SORBS2: variants seen among roughly 807,000 people sequenced by gnomAD.
The protein encoded by SORBS2 is sorbin and SH3 domain-containing protein 2.
Under a neutral mutation model 97.7 loss-of-function variants are expected in SORBS2, and 46 were observed. The ratio of observed to expected loss-of-function variants is 0.47; its 90% CI spans 0.37 to 0.60. The LOEUF (loss-of-function observed/expected upper bound fraction) is 0.60, where lower values mean the gene tolerates loss of function less well. Ranked by LOEUF, SORBS2 falls within the 20% of genes least tolerant of loss-of-function variation. The pLI, the probability that SORBS2 is intolerant of heterozygous loss-of-function variation, is 0.00. For missense variants in SORBS2, 1,316 were observed against 1,282.3 expected, an observed-to-expected ratio of 1.03 and a Z score of -0.40; for synonymous variants, 476 against 473.4, an observed-to-expected ratio of 1.01 and a Z score of -0.07.
intron 13 of SORBS2, among the ~76,000 whole-genome samples, chr4:185,591,590 T>C (rs1441831242): frequency 6.6e-6 from 1 of 152,214 alleles, no homozygotes; most frequent in African/African-American, 2.4e-5. Flanking sequence ...GTGGGGAAAG[T>C]TCACGGTCCC....
At chr4:185,767,499 C>CAAAAAAAAAAAAAAAAAAAAAAA (rs70962594) in intron 2 of SORBS2, among the ~76,000 whole-genome samples, 1 of 60,702 alleles carries the variant, frequency 1.6e-5, no homozygotes. Context: ...GACTCTGTCT[C>CAAAAAAAAAAAAAAAAAAAAAAA]AAAAAAAAAA....
chr4:185,846,303 C>CTAAG (rs1440412800), intron 1 of SORBS2, among the ~76,000 whole-genome samples: 1 of 152,192 alleles, frequency 6.6e-6, no homozygotes, highest in Non-Finnish European at 1.5e-5. Flanking sequence ...ACCCAAAAGA[C>CTAAG]TAAGTATTGC....
intron 2 of SORBS2, chr4:185,690,564 G>C: frequency 2.6e-6 from 4 of 1,525,652 alleles, no homozygotes; most frequent in Non-Finnish European, 3.5e-6. Context: ...CAGCATACCT[G>C]TGTTCATTTT....
intron 2 of SORBS2, among the ~76,000 whole-genome samples, chr4:185,765,386 G>T (rs1318828761): frequency 1.4e-5 from 2 of 146,654 alleles, no homozygotes; most frequent in Non-Finnish European, 3.0e-5. Context: ...GTGGTTTTAA[G>T]TATTTTAGAA....
chr4:185,947,957 T>A (rs1032172376), intron 1 of SORBS2, among the ~76,000 whole-genome samples: 6 of 152,214 alleles, frequency 3.9e-5, no homozygotes, highest in African/African-American at 1.4e-4. Flanking sequence ...ATTCATGTAA[T>A]GTGCTTAGCA....
chr4:185,901,688 A>G (rs1429970266), intron 1 of SORBS2, among the ~76,000 whole-genome samples: 1 of 152,228 alleles, frequency 6.6e-6, no homozygotes, highest in Non-Finnish European at 1.5e-5. Context: ...AGATAAATTT[A>G]TATTTGCTAA....
chr4:185,709,721 A>G (rs1256783099), intron 2 of SORBS2, among the ~76,000 whole-genome samples: 3 of 151,740 alleles, frequency 2.0e-5, no homozygotes, highest in African/African-American at 4.9e-5. Flanking sequence ...AGATCCTCCC[A>G]TCTCCTCACC....
chr4:185,589,984 T>A (rs1388009868), intron 13 of SORBS2, 199 bp from the exon 26 acceptor site: 1 of 462,756 alleles, frequency 2.2e-6, no homozygotes, highest in Non-Finnish European at 3.9e-6. Context: ...AATATGTAGA[T>A]CTTCACAGGC....
At chr4:185,812,801 T>A (rs1246992792) in intron 1 of SORBS2, 1 of 152,224 alleles carries the variant, frequency 6.6e-6, no homozygotes, top group Non-Finnish European at 1.5e-5. Flanking sequence ...TTTAAGATGC[T>A]TTTTATGCAA....
intron 2 of SORBS2, among the ~76,000 whole-genome samples, chr4:185,695,721 G>C (rs1009830390): frequency 2.0e-5 from 3 of 152,132 alleles, no homozygotes; most frequent in Non-Finnish European, 4.4e-5. Flanking sequence ...TAAATGCCAA[G>C]TGATTTCACT....
At chr4:185,670,030 A>T (rs1478412400) in intron 4 of SORBS2, among the ~76,000 whole-genome samples, 1 of 151,916 alleles carries the variant, frequency 6.6e-6, no homozygotes, top group African/African-American at 2.4e-5. Flanking sequence ...ACCAGCCTGG[A>T]CAACATGGTG....
chr4:185,677,429 G>T, intron 4 of SORBS2: 4 of 1,552,164 alleles, frequency 2.6e-6, no homozygotes, highest in Non-Finnish European at 3.5e-6. Flanking sequence ...TATATGACAT[G>T]GTTGTGTTAG....
chr4:185,651,079 A>G (rs1355362819), intron 2 of SORBS2, among the ~76,000 whole-genome samples: 1 of 152,142 alleles, frequency 6.6e-6, no homozygotes, highest in South Asian at 2.1e-4. Context: ...AAGAAGAAAA[A>G]AAATAGTTGT....
intron 1 of SORBS2, among the ~76,000 whole-genome samples, chr4:185,921,305 C>T (rs1050222188): frequency 6.6e-6 from 1 of 152,178 alleles, no homozygotes; most frequent in East Asian, 1.9e-4. Context: ...TCTGTAAGTA[C>T]GTGACAATCA....
At chr4:185,792,296 C>T (rs1341777972) in intron 1 of SORBS2, among the ~76,000 whole-genome samples, 1 of 152,158 alleles carries the variant, frequency 6.6e-6, no homozygotes, top group Non-Finnish European at 1.5e-5. Flanking sequence ...GAGTTTGAAA[C>T]CAGCCTGGCC....
At chr4:185,827,161 A>T (rs2099200693) in intron 1 of SORBS2, among the ~76,000 whole-genome samples, 1 of 99,206 alleles carries the variant, frequency 1.0e-5, no homozygotes, top group Non-Finnish European at 2.1e-5. Context: ...CATCATCATC[A>T]CCATCATCAC....
intron 1 of SORBS2, among the ~76,000 whole-genome samples, chr4:185,878,803 C>A (rs1197283518): frequency 6.6e-6 from 1 of 152,102 alleles, no homozygotes; most frequent in Non-Finnish European, 1.5e-5. Context: ...TCCAGTGCCT[C>A]GCCTCAGCCT....
intron 2 of SORBS2, among the ~76,000 whole-genome samples, chr4:185,734,412 G>C (rs1264854866): frequency 6.6e-6 from 1 of 152,190 alleles, no homozygotes; most frequent in East Asian, 1.9e-4. Context: ...AATTGGGGCT[G>C]TTTTACCCAG....
At chr4:185,953,612 G>A (rs1013274169) in intron 1 of SORBS2, among the ~76,000 whole-genome samples, 2 of 152,230 alleles carry the variant, frequency 1.3e-5, no homozygotes, top group African/African-American at 4.8e-5. Context: ...GCTGAAAGAT[G>A]AAAGAGACTG....
Sources: allele counts gnomAD v4.1 joint callset (sites outside exome capture counted in the v4.1 genomes callset), GRCh38; gene constraint gnomAD v4.1.1; transcripts MANE v1.5; gene names NCBI Gene and HGNC (gene_info 2026-07-23, HGNC 2026-07-21).